Variants in GRM4 observed in about 807,000 individuals in gnomAD.
The protein encoded by GRM4 is metabotropic glutamate receptor 4.
GRM4 carries 28 observed loss-of-function variants against 81.7 expected under a neutral mutation model. The observed-to-expected ratio is 0.34, with a 90% confidence interval of 0.25 to 0.47. The LOEUF (loss-of-function observed/expected upper bound fraction) is 0.47. Among genes scored for constraint, GRM4 ranks in the 20% least tolerant of loss-of-function variants. The pLI is 1.00. For synonymous variants in GRM4, 488 were observed against 528.8 expected (o/e 0.92, Z 1.06); for missense variants, 948 against 1,290.0 (o/e 0.73, Z 4.06).
At chr6:34,140,437 G>C (rs529301555) in intron 1 of GRM4, among the ~76,000 whole-genome samples, 42 of 152,262 alleles carry the variant, frequency 2.8e-4, no homozygotes, top group African/African-American at 1.0e-3. Context: ...GCACAGCACA[G>C]GCAGGGACTC....
chr6:34,025,329 C>G (rs1302207016), intron 10 of GRM4, among the ~76,000 whole-genome samples: 1 of 152,086 alleles, frequency 6.6e-6, no homozygotes, highest in Non-Finnish European at 1.5e-5. Context: ...CCTGGGGGAA[C>G]TGATAAAACT....
At chr6:34,151,818 A>G (rs1771052611) in intron 1 of GRM4, among the ~76,000 whole-genome samples, 1 of 151,814 alleles carries the variant, frequency 6.6e-6, no homozygotes, top group Admixed American at 6.6e-5. Flanking sequence ...ACCAGTGTGG[A>G]CACTGTCCAC....
chr6:34,044,246 A>G (rs1367098559), intron 6 of GRM4, among the ~76,000 whole-genome samples: 2 of 151,404 alleles, frequency 1.3e-5, no homozygotes, highest in Non-Finnish European at 2.9e-5. Flanking sequence ...ACATACACAC[A>G]CAGAGACATA....
At chr6:34,145,650 G>A (rs949837251) in intron 1 of GRM4, among the ~76,000 whole-genome samples, 24 of 152,190 alleles carry the variant, frequency 1.6e-4, no homozygotes, top group African/African-American at 4.6e-4. Context: ...GGGAGGCTGC[G>A]GGAGAGGGCG....
chr6:34,143,255 C>G (rs1272058593), intron 1 of GRM4, among the ~76,000 whole-genome samples: 2 of 152,144 alleles, frequency 1.3e-5, no homozygotes, highest in Admixed American at 1.3e-4. Context: ...CACGCCCAGC[C>G]CAGTGCTGAG....
intron 2 of GRM4, among the ~76,000 whole-genome samples, chr6:34,095,801 C>A (rs922908971): frequency 1.8e-4 from 27 of 152,328 alleles, no homozygotes; most frequent in African/African-American, 6.0e-4. Context: ...CTCTCCAAGG[C>A]TCTCTTGCCC....
intron 6 of GRM4, among the ~76,000 whole-genome samples, chr6:34,044,407 T>TACACAG (rs1433490418): frequency 1.5e-5 from 2 of 137,304 alleles, no homozygotes; most frequent in Admixed American, 1.4e-4. Flanking sequence ...TACACATATA[T>TACACAG]ACACAGACAC....
At chr6:34,046,849 G>A (rs1420595990) in intron 6 of GRM4, among the ~76,000 whole-genome samples, 1 of 152,160 alleles carries the variant, frequency 6.6e-6, no homozygotes, top group Non-Finnish European at 1.5e-5. Context: ...CCAGGCACAC[G>A]AAGGCTCTGG....
chr6:34,136,648 A>G lies in GRM4; in HGVS notation c.-363-2789T>C, dbSNP rs532059211. On this transcript the variant is annotated intron_variant, in intron 1 of 10. Coordinates refer to ENST00000538487, the MANE Select transcript of GRM4 (RefSeq NM_000841.4). The surrounding 1 kb of genome is among the most constrained non-coding windows in gnomAD (Gnocchi z 4.1). ...ATGGGGGAAGGAGGCCTCCAAGAGGAGAAAGGCAAACACCCGCAGATTAGA... is the reference window on the plus strand; with the variant it reads ...ATGGGGGAAGGAGGCCTCCAAGAGGGGAAAGGCAAACACCCGCAGATTAGA... 2.9e-4 allele frequency among the ~76,000 whole-genome samples: 44 copies of G among 151,896 alleles called. No homozygotes were observed. The highest frequency in any genetic ancestry group is 1.0e-3 in the African/African-American group (43 of 41,394).
At chr6:34,106,414 CAAA>C (rs11350612) in intron 2 of GRM4, among the ~76,000 whole-genome samples, 6 of 132,840 alleles carry the variant, frequency 4.5e-5, no homozygotes, top group African/African-American at 5.7e-5. Context: ...GGCTCAGTCT[CAAA>C]AAAAAAAAAA....
chr6:34,089,982 C>T lies in GRM4; in HGVS notation c.736+1901G>A, dbSNP rs933266201. ...CAGAAACAGATGAGACCTCTAGTTC[C>T]GGAGCCAGCCATCCTGGGTTCAAAT... is the stretch of plus-strand genomic sequence containing the variant. On this transcript the variant is annotated intron_variant, in intron 3 of 10. Coordinates refer to ENST00000538487, the MANE Select transcript of GRM4 (RefSeq NM_000841.4). The surrounding 1 kb of genome is among the most constrained non-coding windows in gnomAD (Gnocchi z 4.3). 9.9e-5 allele frequency among the ~76,000 whole-genome samples: 15 copies of T among 152,262 alleles called. 1 individual carries two copies. Among genetic ancestry groups the T allele is most frequent in the Admixed American group, 5.2e-4 (8 of 15,294 alleles).
At chr6:34,091,578 T>G in intron 3 of GRM4, 3 of 360,448 alleles carry the variant, frequency 8.3e-6, no homozygotes, top group African/African-American at 2.1e-5. Context: ...CCCCACCCCA[T>G]CCCTTCCTCT....
chr6:34,035,567 G>A lies in GRM4; in HGVS notation c.2442+101C>T, dbSNP rs187850171. ...GAAGGCAGAATGAGGCATGAAAGAA[G>A]GCATTTCTGGAGCAGGGGGGAGGCC... On this transcript the variant is annotated intron_variant, in intron 9 of 10. Transcript: ENST00000538487. This position sits in a 1 kb window ranked among gnomAD's most constrained non-coding sequence, Gnocchi z 6.6. 159 of 655,844 alleles carry A rather than the reference G, an allele frequency of 2.4e-4. No individual in the cohort carries two copies. Among genetic ancestry groups the A allele is most frequent in the Non-Finnish European group, 3.7e-4 (140 of 379,196 alleles). The allele number at this position is 655,844 out of a possible 1,614,324, so 40.6% of individuals were successfully genotyped here. A position where few individuals can be genotyped will look rare whatever the true frequency, so the allele number is the denominator to read the frequency against.
intron 10 of GRM4, among the ~76,000 whole-genome samples, chr6:34,027,218 G>A (rs905372706): frequency 2.0e-5 from 3 of 152,190 alleles, no homozygotes; most frequent in Non-Finnish European, 4.4e-5. Context: ...CATCAGGGGT[G>A]TTGATCAGAG....
Position 34,092,095 on chromosome 6 carries a change from G to A in GRM4, c.524C>T (p.Pro175Leu). ...CGCTGTGGAGGCGTAGCTGATCTGG[G>A]GTATCTGAGGGGCGAGAGGGGCTGC... ...VANILRLFKI[P>L]QISYASTAPD... The change falls in exon 3 of 11, where the codon CCC becomes CTC. Residue 175 changes from proline (P) to leucine (L), a missense_variant. By Grantham distance (98) the Pro-to-Leu change is moderately conservative. Transcript: ENST00000538487. This position sits in a 1 kb window ranked among gnomAD's most constrained non-coding sequence, Gnocchi z 6.8. 6.3e-7 allele frequency: 1 copy of A among 1,596,808 alleles called. No homozygotes were observed. Among genetic ancestry groups the A allele is most frequent in the Non-Finnish European group, 8.6e-7 (1 of 1,166,264 alleles).
Position 34,152,856 on chromosome 6 carries a change from T to G in GRM4, c.312+2223A>C. 7.1e-6 allele frequency among the ~76,000 whole-genome samples: 1 copy of G among 140,946 alleles called. No individual in the cohort carries two copies. The highest frequency in any genetic ancestry group is 2.6e-5 in the African/African-American group (1 of 39,142). 92.5% of individuals were successfully genotyped at this position (140,946 alleles called of 152,430 possible). ...GACAGGCAGGAGCAAGGTGGGAGGG[T>G]GGCTGGGGATGGGAAGGTGGGGCAT... On this transcript the variant is annotated intron_variant, in intron 1 of 8. Transcript: ENST00000374177. This position sits in a 1 kb window ranked among gnomAD's most constrained non-coding sequence, Gnocchi z 4.1.
intron 3 of GRM4, among the ~76,000 whole-genome samples, chr6:34,076,119 GAGA>G (rs1296446961): frequency 4.5e-4 from 68 of 152,376 alleles, no homozygotes; most frequent in African/African-American, 1.5e-3. Context: ...GGCTTGGCCA[GAGA>G]AGAACAGACA....
At position 34,023,738 on chromosome 6, in the gene GRM4, C is replaced by T. The variant is rs181692746; in HGVS notation, c.2690-868G>A. Among the ~76,000 whole-genome samples the T allele has an allele frequency of 3.7e-4, 57 of 152,308 alleles. No homozygotes were observed. In the East Asian group the frequency reaches 0.01, roughly 27 times the overall value. ...CATGAGCAGTGTGAGTGTCCCCCAC[C>T]CCTCCAGAGTGCAGACCCCACAGCA... On this transcript the variant is annotated intron_variant, in intron 10 of 10. Coordinates refer to ENST00000538487, the MANE Select transcript of GRM4 (RefSeq NM_000841.4).
At chr6:34,088,753 C>T (rs1000838445) in intron 3 of GRM4, among the ~76,000 whole-genome samples, 9 of 152,232 alleles carry the variant, frequency 5.9e-5, no homozygotes, top group African/African-American at 1.9e-4. Context: ...ACCTAGCCCA[C>T]GGGTGTTTCA....
Sources: allele counts gnomAD v4.1 joint callset (sites outside exome capture counted in the v4.1 genomes callset), GRCh38; gene constraint gnomAD v4.1.1; non-coding constraint Gnocchi (gnomAD v3.1); transcripts MANE v1.5; gene names NCBI Gene and HGNC (gene_info 2026-07-23, HGNC 2026-07-21).